The following PCDHA1 variants were observed in gnomAD, a reference collection of about 807,000 sequenced individuals.
The protein encoded by PCDHA1 is protocadherin alpha-1.
PCDHA1 carries 42 observed loss-of-function variants against 61.3 expected under a neutral mutation model. The observed-to-expected ratio is 0.69, with a 90% confidence interval of 0.54 to 0.89. The LOEUF is 0.89. PCDHA1 is among the 40% of genes least tolerant of loss of function. The pLI is 0.00. For missense variants in PCDHA1, 1,256 were observed against 1,235.3 expected, an observed-to-expected ratio of 1.02 and a Z score of -0.25; for synonymous variants, 610 against 553.8, an observed-to-expected ratio of 1.10 and a Z score of -1.43.
intron 1 of PCDHA1, chr5:140,830,373 G>C (rs2150185640): frequency 1.2e-6 from 2 of 1,614,144 alleles, no homozygotes; most frequent in South Asian, 2.2e-5. Flanking sequence ...GTGTGCTCCG[G>C]GGAGGGCCCA....
chr5:140,929,020 A>C (rs1183262810), intron 1 of PCDHA1: 6 of 1,614,070 alleles, frequency 3.7e-6, no homozygotes, highest in Non-Finnish European at 5.1e-6. Flanking sequence ...GTTGCACCAG[A>C]GCCCAGGCTG....
In PCDHA1 at chr5:141,011,594, T is replaced by C. The variant is rs2098421156; in HGVS notation, c.*1657T>C. 6.5e-6 allele frequency: 1 copy of C among 153,764 alleles called. No homozygotes were observed. Among genetic ancestry groups the C allele is most frequent in the East Asian group, 1.9e-4 (1 of 5,202 alleles). The allele number at this position is 153,764 out of a possible 1,614,324, so 9.5% of individuals were successfully genotyped here. On this transcript the variant is annotated 3_prime_UTR_variant, in exon 4 of 4. Coordinates refer to ENST00000504120, the MANE Select transcript of PCDHA1 (RefSeq NM_018900.4). ...TTTCTTAAATCAAGATACTGGTGAT[T>C]CAAGGAATTTTATTTATGGTCCAGC...
intron 1 of PCDHA1, chr5:140,967,421 C>T (rs2096138629): frequency 6.2e-7 from 1 of 1,613,120 alleles, no homozygotes; most frequent in Non-Finnish European, 8.5e-7. Context: ...AGACCGGGAG[C>T]AGGCAGCCTT....
At chr5:140,928,851 T>G (rs1554206396) in intron 1 of PCDHA1, 1 of 1,614,192 alleles carries the variant, frequency 6.2e-7, no homozygotes, top group Non-Finnish European at 8.5e-7. Flanking sequence ...TCACTCTGGG[T>G]GTGCTGTTGA....
chr5:141,009,772 C>T lies in PCDHA1; in HGVS notation c.2688C>T (p.Ile896=). The T allele has an allele frequency of 1.9e-6, 3 of 1,614,158 alleles. No individual in the cohort carries two copies. Among genetic ancestry groups the T allele is most frequent in the Non-Finnish European group, 2.5e-6 (3 of 1,180,032 alleles). The stretch of plus-strand genomic sequence containing the variant: ...TCATTATCCCAGGATCTCCTGCAAT[C>T]ATCTCCATCCGGCAGGAGCCTACTA... ...DKFIIPGSPA[I]ISIRQEPTNS... Residue 896 remains isoleucine (I), a synonymous_variant, in exon 4 of 4, where the codon ATC becomes ATT. Coordinates refer to ENST00000504120, the MANE Select transcript of PCDHA1 (RefSeq NM_018900.4).
chr5:140,954,824 C>T (rs1167171102), intron 1 of PCDHA1, among the ~76,000 whole-genome samples: 2 of 152,068 alleles, frequency 1.3e-5, no homozygotes, highest in Non-Finnish European at 2.9e-5. Flanking sequence ...GCTTTAGGCA[C>T]TTTTGTCATG....
At chr5:140,796,336 C>G (rs782132897) in intron 1 of PCDHA1, 4 of 1,614,070 alleles carry the variant, frequency 2.5e-6, no homozygotes, top group Non-Finnish European at 3.4e-6. Context: ...GTTCGCACAG[C>G]CTGAGTACAC....
At chr5:140,984,869 T>C (rs1587042657) in intron 3 of PCDHA1, among the ~76,000 whole-genome samples, 1 of 152,174 alleles carries the variant, frequency 6.6e-6, no homozygotes, top group East Asian at 1.9e-4. Flanking sequence ...ACCTATTTTA[T>C]TGAGTTACCA....
intron 1 of PCDHA1, chr5:140,827,874 A>G: frequency 1.6e-6 from 1 of 638,432 alleles, no homozygotes; most frequent in Non-Finnish European, 2.7e-6. Flanking sequence ...TAGCACTGTT[A>G]CGTGAATTGA....
At chr5:140,796,366 A>G in intron 1 of PCDHA1, 1 of 1,614,016 alleles carries the variant, frequency 6.2e-7, no homozygotes. Flanking sequence ...GAAGGAGAAC[A>G]ACCCGCCGGG....
intron 3 of PCDHA1, among the ~76,000 whole-genome samples, chr5:141,009,383 C>T (rs2098407441): frequency 6.6e-6 from 1 of 152,198 alleles, no homozygotes; most frequent in African/African-American, 2.4e-5. Flanking sequence ...TGATTGAGCA[C>T]AGGAGGTCGA....
intron 1 of PCDHA1, chr5:140,805,067 ACTTCAAT>A (rs1763504398): frequency 8.8e-6 from 14 of 1,593,442 alleles, no homozygotes; most frequent in Non-Finnish European, 9.3e-6. Flanking sequence ...CAGATATGGA[ACTTCAAT>A]CTTCAAATCC....
Position 140,788,487 on chromosome 5 carries a change from G to C in PCDHA1, c.2197G>C (p.Val733Leu). Residue 733 changes from valine to leucine, a missense_variant, in exon 1 of 4, where the codon GTG (valine) becomes CTG (leucine). By Grantham distance (32) the Val-to-Leu change is conservative. Transcript: ENST00000504120. ...CSVPPTEGAY[V>L]PGKPTLVCSS... is the part of the protein sequence containing the mutation. ...AGTGCCGCCCACTGAGGGTGCGTATGTGCCGGGCAAGCCCACTCTGGTGTG... is the reference window on the plus strand; with the variant it reads ...AGTGCCGCCCACTGAGGGTGCGTATCTGCCGGGCAAGCCCACTCTGGTGTG... 6.2e-7 allele frequency: 1 copy of C among 1,614,144 alleles called. No homozygotes were observed. The highest frequency in any genetic ancestry group is 8.5e-7 in the Non-Finnish European group (1 of 1,180,004).
chr5:140,829,719 C>G (rs2150173312), intron 1 of PCDHA1: 42 of 1,613,424 alleles, frequency 2.6e-5, no homozygotes, highest in Non-Finnish European at 3.3e-5. Context: ...GCGGGCGTGC[C>G]GCCTCTGGGC....
At chr5:140,790,379 A>G (rs976222889) in intron 1 of PCDHA1, among the ~76,000 whole-genome samples, 5 of 152,254 alleles carry the variant, frequency 3.3e-5, no homozygotes, top group African/African-American at 1.2e-4. Context: ...TTTCAAACAT[A>G]CATGAATGTC....
intron 1 of PCDHA1, among the ~76,000 whole-genome samples, chr5:140,827,576 C>T (rs2150148226): frequency 6.6e-6 from 1 of 152,140 alleles, no homozygotes; most frequent in African/African-American, 2.4e-5. Flanking sequence ...TATATAATAG[C>T]ATGTCCTAGG....
At chr5:140,966,663 A>C in intron 1 of PCDHA1, 1 of 1,237,556 alleles carries the variant, frequency 8.1e-7, no homozygotes, top group East Asian at 3.0e-5. Context: ...GTGGGGGAGC[A>C]GGCGCAGGGT....
At position 140,869,840 on chromosome 5, in the gene PCDHA1, A is replaced by T. The variant is rs782569950; in HGVS notation, c.2394+81156A>T. 9 of 1,611,616 alleles carry T rather than the reference A, an allele frequency of 5.6e-6. No homozygotes were observed. The Admixed American group carries it at 1.5e-4, about 27-fold the overall frequency. On this transcript the variant is annotated intron_variant, in intron 1 of 3. Transcript: ENST00000504120. The stretch of plus-strand genomic sequence containing the variant: ...AATGATCCAGAGTTTGATAAATCAG[A>T]ATATAAGGTGAGCCTTATGGAAAAT...
intron 1 of PCDHA1, chr5:140,809,560 A>C (rs782739291): frequency 6.2e-7 from 1 of 1,608,418 alleles, no homozygotes; most frequent in Admixed American, 1.7e-5. Context: ...CAACTGAGGA[A>C]TCCTTTGCAA....
Sources: gnomAD v4.1 joint callset for allele counts (sites outside exome capture counted in the v4.1 genomes callset) on GRCh38, gnomAD v4.1.1 for gene constraint, MANE v1.5 for transcripts, NCBI Gene and HGNC (gene_info 2026-07-23, HGNC 2026-07-21) for gene names.